Variants in CDH13 observed in about 807,000 individuals in gnomAD.
The protein encoded by CDH13 is cadherin-13.
Under a neutral mutation model 63.8 loss-of-function variants are expected in CDH13, and 24 were observed. The ratio of observed to expected loss-of-function variants is 0.38; its 90% CI spans 0.27 to 0.53. The LOEUF is 0.53. CDH13 is among the 20% of genes least tolerant of loss of function. The pLI is 0.85. For missense variants in CDH13, 1,049 were observed against 903.1 expected, an observed-to-expected ratio of 1.16 and a Z score of -2.07; for synonymous variants, 503 against 355.3, an observed-to-expected ratio of 1.42 and a Z score of -4.67.
rs149008912 is a variant in CDH13, at chr16:82,718,717, T to A, written c.45+91580T>A. Reference sequence around the variant, plus strand: ...GAGAAGAGAACTCGTGCAGGGAAACTCCCCTTTATAAACATCATCAGATCT... The same window carrying A: ...GAGAAGAGAACTCGTGCAGGGAAACACCCCTTTATAAACATCATCAGATCT... On this transcript the variant is annotated intron_variant, in intron 1 of 13. Coordinates refer to ENST00000567109, the MANE Select transcript of CDH13 (RefSeq NM_001257.5). 2.0e-3 allele frequency among the ~76,000 whole-genome samples: 308 copies of A among 151,956 alleles called. 2 individuals carry two copies. Among genetic ancestry groups the A allele is most frequent in the African/African-American group, 5.7e-3 (237 of 41,424 alleles).
At chr16:83,783,969 A>G (rs1159768540) in intron 13 of CDH13, among the ~76,000 whole-genome samples, 2 of 152,266 alleles carry the variant, frequency 1.3e-5, no homozygotes, top group Non-Finnish European at 2.9e-5. Flanking sequence ...GCTAGTAATA[A>G]TGACTATAAT....
Position 82,956,901 on chromosome 16 carries a change from G to A in CDH13, c.158-75109G>A, listed in dbSNP as rs376551600. ...AGATAGATGCATATTACTCTCTCAA[G>A]TGATGGTTCAGGCAGGAGCAGTTCT... On this transcript the variant is annotated intron_variant, in intron 2 of 13. Transcript: ENST00000567109. Among the ~76,000 whole-genome samples the A allele has an allele frequency of 1.1e-3, 174 of 152,322 alleles. 5 individuals carry two copies. In the South Asian group the frequency reaches 0.034, roughly 30 times the overall value.
intron 6 of CDH13, among the ~76,000 whole-genome samples, chr16:83,441,315 C>G (rs2072473467): frequency 6.6e-6 from 1 of 152,126 alleles, no homozygotes; most frequent in Admixed American, 6.5e-5. Flanking sequence ...TGAAAGATGA[C>G]AATTCAATTA....
intron 10 of CDH13, among the ~76,000 whole-genome samples, chr16:83,713,337 C>G (rs1179335827): frequency 6.6e-6 from 1 of 152,200 alleles, no homozygotes; most frequent in African/African-American, 2.4e-5. Context: ...GCCTCCCACC[C>G]CACATTTTTC....
At chr16:83,479,972 A>C (rs1055272942) in intron 6 of CDH13, among the ~76,000 whole-genome samples, 1 of 152,246 alleles carries the variant, frequency 6.6e-6, no homozygotes, top group Non-Finnish European at 1.5e-5. Context: ...CAAGAGGCTC[A>C]GAGAGCATTG....
chr16:82,851,645 G>A (rs959249925), intron 1 of CDH13, among the ~76,000 whole-genome samples: 2 of 145,912 alleles, frequency 1.4e-5, no homozygotes, highest in Non-Finnish European at 3.0e-5. Flanking sequence ...CTCAGCAGGG[G>A]CGTGGACATG....
rs143448501 is a variant in CDH13, at chr16:82,954,670, G to C, written c.158-77340G>C. On this transcript the variant is annotated intron_variant, in intron 2 of 13. Transcript: ENST00000567109. ...ATACTATTCACTCTTTTAAAGTGTA[G>C]CACTCCATGGTTTTCAGTCTATTCA... is the stretch of plus-strand genomic sequence containing the variant. 19 of 151,498 alleles carry C rather than the reference G, an allele frequency of 1.3e-4. No homozygotes were observed. In the East Asian group the frequency reaches 3.1e-3, roughly 25 times the overall value. The allele number at this position is 151,498 out of a possible 1,614,324, so 9.4% of individuals were successfully genotyped here.
At chr16:83,437,289 A>G (rs1298881405) in intron 6 of CDH13, among the ~76,000 whole-genome samples, 1 of 152,168 alleles carries the variant, frequency 6.6e-6, no homozygotes, top group African/African-American at 2.4e-5. Context: ...TCCTTACCTC[A>G]TAGAAATATT....
At chr16:83,065,002 C>T (rs1258047333) in intron 3 of CDH13, among the ~76,000 whole-genome samples, 1 of 152,108 alleles carries the variant, frequency 6.6e-6, no homozygotes, top group Non-Finnish European at 1.5e-5. Flanking sequence ...AAAAATCTCC[C>T]CAGTCCCTCC....
intron 1 of CDH13, among the ~76,000 whole-genome samples, chr16:82,664,596 A>G (rs150464811): frequency 6.6e-6 from 1 of 152,196 alleles, no homozygotes; most frequent in Non-Finnish European, 1.5e-5. Context: ...ACTGGGAGAA[A>G]GGACCCAAGT....
At chr16:83,439,898 A>T (rs1376192410) in intron 6 of CDH13, among the ~76,000 whole-genome samples, 2 of 152,172 alleles carry the variant, frequency 1.3e-5, no homozygotes, top group Non-Finnish European at 2.9e-5. Flanking sequence ...ACAAAGTCCA[A>T]ATTCTATGTA....
chr16:82,929,457 T>TGAGCTAATAAACATCACTGTTTTGCTC (rs2042408270), intron 2 of CDH13, among the ~76,000 whole-genome samples: 1 of 151,410 alleles, frequency 6.6e-6, no homozygotes, highest in Admixed American at 6.6e-5. Flanking sequence ...CCTGGCTAGA[T>TGAGCTAATAAACATCACTGTTTTGCTC]GGTCTAGCCA....
intron 1 of CDH13, among the ~76,000 whole-genome samples, chr16:82,798,422 G>C (rs1012378929): frequency 4.6e-5 from 7 of 152,062 alleles, no homozygotes; most frequent in Admixed American, 3.3e-4. Context: ...TTGTAGTTCT[G>C]CTTTCAATAC....
chr16:83,206,078 C>T (rs2039173787), intron 4 of CDH13, among the ~76,000 whole-genome samples: 1 of 152,072 alleles, frequency 6.6e-6, no homozygotes, highest in African/African-American at 2.4e-5. Flanking sequence ...TTGGGAAGGA[C>T]AGGCATGAAA....
At chr16:83,238,822 C>T (rs1227583931) in intron 5 of CDH13, among the ~76,000 whole-genome samples, 1 of 152,140 alleles carries the variant, frequency 6.6e-6, no homozygotes, top group Non-Finnish European at 1.5e-5. Context: ...ATGAAAATAT[C>T]TCCAAGTCAT....
intron 5 of CDH13, among the ~76,000 whole-genome samples, chr16:83,219,121 G>A (rs117596494): frequency 0.011 from 1,730 of 152,256 alleles, 13 homozygotes; most frequent in Middle Eastern, 0.02. Context: ...TCTCAGTGCT[G>A]CTGCGTACTG....
chr16:82,960,955 G>A lies in CDH13; in HGVS notation c.158-71055G>A, dbSNP rs992845901. Among the ~76,000 whole-genome samples the A allele has an allele frequency of 2.0e-5, 3 of 152,280 alleles. No homozygotes were observed. In the East Asian group the frequency reaches 5.8e-4, roughly 29 times the overall value. On this transcript the variant is annotated intron_variant, in intron 2 of 13. Transcript: ENST00000567109. ...GGGTAAAAAGGGTAATACAAAATAT[G>A]GATAGTTTTTTCATTGCTGGAATGT...
chr16:82,724,120 A>T (rs1029075382), intron 1 of CDH13, among the ~76,000 whole-genome samples: 1 of 152,156 alleles, frequency 6.6e-6, no homozygotes, highest in African/African-American at 2.4e-5. Context: ...GAAAGATCCT[A>T]CAATTGTGCA....
At chr16:83,155,822 C>G (rs565150985) in intron 4 of CDH13, among the ~76,000 whole-genome samples, 3 of 152,186 alleles carry the variant, frequency 2.0e-5, no homozygotes, top group Admixed American at 6.5e-5. Flanking sequence ...GGTAAACACA[C>G]AATGCCACAA....
Sources: gnomAD v4.1 joint callset for allele counts (sites outside exome capture counted in the v4.1 genomes callset) on GRCh38, gnomAD v4.1.1 for gene constraint, MANE v1.5 for transcripts, NCBI Gene and HGNC (gene_info 2026-07-23, HGNC 2026-07-21) for gene names.